The following MINDY3 variants were observed in gnomAD, a reference collection of about 807,000 sequenced individuals.
MINDY3 encodes the protein MINDY lysine 48 deubiquitinase 3, also known as ubiquitin carboxyl-terminal hydrolase MINDY-3.
In MINDY3, 38 loss-of-function variants were observed where a neutral mutation model predicts 69.2. The ratio of observed to expected loss-of-function variants is 0.55; its 90% CI spans 0.42 to 0.72. The LOEUF (loss-of-function observed/expected upper bound fraction) is 0.72, where lower values mean the gene tolerates loss of function less well. MINDY3 is among the 30% of genes least tolerant of loss of function. MINDY3 has a pLI of 0.00. For missense variants in MINDY3, 522 were observed against 519.0 expected (o/e 1.01, Z -0.06); for synonymous variants, 192 against 180.1 (o/e 1.07, Z -0.53).
At chr10:15,852,668 G>A (rs919316085) in intron 1 of MINDY3, among the ~76,000 whole-genome samples, 2 of 152,058 alleles carry the variant, frequency 1.3e-5, no homozygotes, top group African/African-American at 4.8e-5. Context: ...TCATGTCATT[G>A]GGAATACTAA....
In MINDY3 at chr10:15,816,979, GC is replaced by G. The variant is rs552709677; in HGVS notation, c.802-65del. ...TAAAAATTTATACTGCCTCTTATTT[GC>G]CCATAAATATCTGAAGCATAAAGTG... On this transcript the variant is annotated intron_variant, in intron 9 of 14. Coordinates refer to ENST00000277632, the MANE Select transcript of MINDY3 (RefSeq NM_024948.4). 1,177 of 1,208,056 alleles carry G rather than the reference GC, an allele frequency of 9.7e-4. 37 individuals carry two copies. The East Asian group carries it at 0.028, about 28-fold the overall frequency. The allele number at this position is 1,208,056 out of a possible 1,614,324, so 74.8% of individuals were successfully genotyped here. A position where few individuals can be genotyped will look rare whatever the true frequency, so the allele number is the denominator to read the frequency against.
chr10:15,818,926 C>T (rs766309688), intron 9 of MINDY3, among the ~76,000 whole-genome samples: 4 of 151,970 alleles, frequency 2.6e-5, no homozygotes, highest in Non-Finnish European at 4.4e-5. Context: ...TGCATTGCAT[C>T]GTGAATATAT....
At chr10:15,855,102 T>G (rs756086537) in intron 1 of MINDY3, among the ~76,000 whole-genome samples, 6 of 152,152 alleles carry the variant, frequency 3.9e-5, no homozygotes, top group Non-Finnish European at 7.4e-5. Flanking sequence ...CAGGTGGGGC[T>G]TTCAGTTGGA....
At chr10:15,846,495 C>T (rs1323082980) in intron 2 of MINDY3, among the ~76,000 whole-genome samples, 1 of 151,862 alleles carries the variant, frequency 6.6e-6, no homozygotes, top group Non-Finnish European at 1.5e-5. Context: ...TCCATAATTC[C>T]AAGGCAAGAT....
At chr10:15,826,513 C>G (rs1037550347) in intron 8 of MINDY3, among the ~76,000 whole-genome samples, 1 of 152,092 alleles carries the variant, frequency 6.6e-6, no homozygotes, top group Non-Finnish European at 1.5e-5. Flanking sequence ...TCAAAATAAC[C>G]TACAAATATA....
intron 10 of MINDY3, among the ~76,000 whole-genome samples, chr10:15,810,043 A>T (rs1838893678): frequency 6.6e-6 from 1 of 152,116 alleles, no homozygotes; most frequent in African/African-American, 2.4e-5. Context: ...CTCAAGTAAA[A>T]CTGACTTGTG....
At position 15,789,584 on chromosome 10, in the gene MINDY3, T is replaced by G. The variant is rs150939681; in HGVS notation, c.956-265A>C. The stretch of plus-strand genomic sequence containing the variant: ...GCTTAAAGTCAAATTACTTGATCTT[T>G]AAACAGTGTTACAGCGTTAAGTGGG... On this transcript the variant is annotated intron_variant, in intron 11 of 14. Transcript: ENST00000277632. 3.1e-3 allele frequency among the ~76,000 whole-genome samples: 473 copies of G among 152,292 alleles called. 3 individuals are homozygous for G. Among genetic ancestry groups the G allele is most frequent in the African/African-American group, 0.011 (450 of 41,580 alleles).
rs1326525139 is a variant in MINDY3 at position 15,782,233 on chromosome 10, T to C, written c.1117-7A>G. On this transcript the variant is annotated splice_polypyrimidine_tract_variant and splice_region_variant and intron_variant, in intron 13 of 14. Coordinates refer to ENST00000277632, the MANE Select transcript of MINDY3 (RefSeq NM_024948.4). Reference sequence around the variant, plus strand: ...ATTCTGGACCACTGGAGCCCTATTATAAATAAAGGACTATTAACACTTTAA... The same window carrying C: ...ATTCTGGACCACTGGAGCCCTATTACAAATAAAGGACTATTAACACTTTAA... 1 of 1,576,820 alleles carries C rather than the reference T, an allele frequency of 6.3e-7. No individual in the cohort carries two copies. Among genetic ancestry groups the C allele is most frequent in the Non-Finnish European group, 8.7e-7 (1 of 1,151,090 alleles).
In MINDY3 at chr10:15,796,189, C is replaced by A. The variant is rs1304849114; in HGVS notation, c.883-17G>T. 1.2e-6 allele frequency: 2 copies of A among 1,604,614 alleles called. No individual in the cohort carries two copies. The highest frequency in any genetic ancestry group is 1.3e-5 in the African/African-American group (1 of 74,634). The stretch of plus-strand genomic sequence containing the variant: ...AGCCATATCCTGAAAAGATAAGAAG[C>A]ATGTTGTCAACCAGCTACAGTATTA... On this transcript the variant is annotated splice_polypyrimidine_tract_variant and intron_variant, in intron 10 of 14. Transcript: ENST00000277632.
chr10:15,818,613 A>G (rs114558416), intron 9 of MINDY3, among the ~76,000 whole-genome samples: 2,352 of 152,318 alleles, frequency 0.015, 50 homozygotes, highest in African/African-American at 0.051. Context: ...TGATGAACAG[A>G]TAAAATTGGT....
At chr10:15,837,744 A>C in intron 5 of MINDY3, 1 of 1,047,772 alleles carries the variant, frequency 9.5e-7, no homozygotes, top group Non-Finnish European at 1.2e-6. Context: ...TTCTTTTAAA[A>C]GAAATTAATG....
At chr10:15,816,278 AAAT>A (rs1359213450) in intron 10 of MINDY3, among the ~76,000 whole-genome samples, 2 of 141,098 alleles carry the variant, frequency 1.4e-5, no homozygotes, top group African/African-American at 6.3e-5. Context: ...AAAAAAAAAA[AAAT>A]GAAAAAGAAA....
chr10:15,852,252 T>C (rs554561795), intron 1 of MINDY3, among the ~76,000 whole-genome samples: 4 of 152,304 alleles, frequency 2.6e-5, no homozygotes, highest in African/African-American at 9.6e-5. Flanking sequence ...ACTGTGGCTA[T>C]TGCTCAATTA....
chr10:15,786,523 A>G (rs1836978489), intron 13 of MINDY3, 38 bp downstream of exon 13: 2 of 1,203,282 alleles, frequency 1.7e-6, no homozygotes, highest in South Asian at 2.5e-5. Context: ...AATCATCCCA[A>G]CAGAATAACA....
intron 10 of MINDY3, among the ~76,000 whole-genome samples, chr10:15,798,480 TA>T (rs1554804364): frequency 2.0e-5 from 3 of 151,254 alleles, no homozygotes; most frequent in Non-Finnish European, 2.9e-5. Flanking sequence ...TTTTTTTTTT[TA>T]AATACTCTGC....
At chr10:15,814,917 C>T (rs1839251202) in intron 10 of MINDY3, among the ~76,000 whole-genome samples, 1 of 152,154 alleles carries the variant, frequency 6.6e-6, no homozygotes, top group Non-Finnish European at 1.5e-5. Context: ...GACACTGTTC[C>T]TTGTATTATA....
chr10:15,784,604 G>A (rs1420535088), intron 13 of MINDY3, among the ~76,000 whole-genome samples: 1 of 152,114 alleles, frequency 6.6e-6, no homozygotes, highest in Non-Finnish European at 1.5e-5. Context: ...AATTAGCCAG[G>A]CCACCATATG....
At chr10:15,804,004 T>G (rs369315783) in intron 10 of MINDY3, among the ~76,000 whole-genome samples, 1 of 152,144 alleles carries the variant, frequency 6.6e-6, no homozygotes, top group African/African-American at 2.4e-5. Context: ...ATCCTACACA[T>G]GAGACTCAAC....
intron 2 of MINDY3, among the ~76,000 whole-genome samples, chr10:15,846,755 G>A (rs906059347): frequency 4.9e-5 from 7 of 143,912 alleles, no homozygotes; most frequent in Admixed American, 7.1e-5. Context: ...ACAAAGTCTC[G>A]CTCTGTCGCC....
Sources: gnomAD v4.1 joint callset for allele counts (sites outside exome capture counted in the v4.1 genomes callset) on GRCh38, gnomAD v4.1.1 for gene constraint, MANE v1.5 for transcripts, NCBI Gene and HGNC (gene_info 2026-07-23, HGNC 2026-07-21) for gene names.